The following TTC27 variants were observed in gnomAD, a reference collection of about 807,000 sequenced individuals.
TTC27 encodes the protein tetratricopeptide repeat protein 27.
Under a neutral mutation model 115.9 loss-of-function variants are expected in TTC27, and 79 were observed. The observed-to-expected ratio is 0.68, with a 90% CI of 0.57 to 0.82. The LOEUF is 0.82. TTC27 is among the 40% of genes least tolerant of loss of function. TTC27 has a pLI of 0.00. For synonymous variants in TTC27, 401 were observed against 356.0 expected (o/e 1.13, Z -1.42); for missense variants, 1,054 against 993.1 (o/e 1.06, Z -0.82).
At chr2:32,661,394 T>C (rs1665542386) in intron 5 of TTC27, among the ~76,000 whole-genome samples, 2 of 152,198 alleles carry the variant, frequency 1.3e-5, no homozygotes, top group African/African-American at 2.4e-5. Context: ...ATTCTTCCTA[T>C]CCATGAGCAT....
At chr2:32,721,608 TTC>T (rs1164934164) in intron 10 of TTC27, among the ~76,000 whole-genome samples, 1 of 151,330 alleles carries the variant, frequency 6.6e-6, no homozygotes. Flanking sequence ...TCACTTTTCT[TTC>T]TCTCTCTCTC....
intron 3 of TTC27, among the ~76,000 whole-genome samples, chr2:32,635,642 C>A (rs1056233299): frequency 2.6e-5 from 4 of 152,006 alleles, no homozygotes; most frequent in African/African-American, 9.7e-5. Context: ...CAAGATCACG[C>A]CACTGCACTC....
At chr2:32,729,387 G>A (rs1402189324) in intron 10 of TTC27, among the ~76,000 whole-genome samples, 1 of 152,172 alleles carries the variant, frequency 6.6e-6, no homozygotes, top group Non-Finnish European at 1.5e-5. Context: ...AGCATTGAAA[G>A]GAGAGGGGAC....
chr2:32,781,526 G>T (rs925875471), intron 14 of TTC27, among the ~76,000 whole-genome samples: 1 of 151,960 alleles, frequency 6.6e-6, no homozygotes, highest in Admixed American at 6.6e-5. Flanking sequence ...TTTTATTCTG[G>T]CATTCAGTTA....
intron 7 of TTC27, among the ~76,000 whole-genome samples, chr2:32,670,828 A>G (rs903422477): frequency 1.3e-5 from 2 of 151,798 alleles, no homozygotes; most frequent in Non-Finnish European, 2.9e-5. Flanking sequence ...CATGTTTGCC[A>G]GGCTGGTCTC....
intron 9 of TTC27, among the ~76,000 whole-genome samples, chr2:32,682,847 G>GTTTTTTTTTTTTTTTTT (rs70938360): frequency 4.0e-5 from 2 of 49,782 alleles, no homozygotes; most frequent in African/African-American, 1.0e-4. Context: ...TTTTATTGTT[G>GTTTTTTTTTTTTTTTTT]TTTTTTTTTT....
intron 5 of TTC27, among the ~76,000 whole-genome samples, chr2:32,653,236 G>C (rs1665195156): frequency 6.6e-6 from 1 of 152,154 alleles, no homozygotes; most frequent in African/African-American, 2.4e-5. Context: ...TTGTCATCAA[G>C]TCCTGCTGTG....
chr2:32,820,594 C>A (rs1033973764), intron 19 of TTC27, among the ~76,000 whole-genome samples: 5 of 152,158 alleles, frequency 3.3e-5, no homozygotes, highest in African/African-American at 9.7e-5. Context: ...AAGAGCAGAG[C>A]TCATTTGAAT....
chr2:32,719,357 G>T (rs1207837020), intron 10 of TTC27, among the ~76,000 whole-genome samples: 3 of 152,210 alleles, frequency 2.0e-5, no homozygotes, highest in African/African-American at 7.2e-5. Flanking sequence ...TGGAATAGCA[G>T]GGTCAGAAAG....
intron 10 of TTC27, among the ~76,000 whole-genome samples, chr2:32,712,667 C>A (rs1240311948): frequency 6.6e-6 from 1 of 151,942 alleles, no homozygotes; most frequent in Non-Finnish European, 1.5e-5. Flanking sequence ...ACCTGTTTCT[C>A]CTGCCTTAGC....
At chr2:32,628,452 C>T (rs1160637610) in intron 1 of TTC27, 72 bp downstream of exon 1, 1 of 1,355,212 alleles carries the variant, frequency 7.4e-7, no homozygotes, top group Non-Finnish European at 9.9e-7. Context: ...GCGACTGATT[C>T]TCATCCCTCC....
intron 8 of TTC27, among the ~76,000 whole-genome samples, chr2:32,675,955 C>G (rs950414508): frequency 6.6e-6 from 1 of 151,970 alleles, no homozygotes; most frequent in African/African-American, 2.4e-5. Flanking sequence ...CCATGCTCAT[C>G]TAATTTTTGT....
chr2:32,707,611 A>T (rs564500411), intron 10 of TTC27, among the ~76,000 whole-genome samples: 2 of 151,794 alleles, frequency 1.3e-5, no homozygotes, highest in South Asian at 2.1e-4. Context: ...TCCAAAGTTT[A>T]AAAAAAAACT....
At chr2:32,639,660 T>C (rs1403893388) in intron 3 of TTC27, among the ~76,000 whole-genome samples, 2 of 152,250 alleles carry the variant, frequency 1.3e-5, no homozygotes, top group East Asian at 3.8e-4. Context: ...ATTTATGAAG[T>C]GATGATATCT....
intron 16 of TTC27, among the ~76,000 whole-genome samples, chr2:32,788,696 G>A (rs531033099): frequency 6.6e-6 from 1 of 152,280 alleles, no homozygotes; most frequent in South Asian, 2.1e-4. Context: ...TGGCTCACCA[G>A]GTTGGCTTTT....
chr2:32,736,953 T>C, intron 12 of TTC27, 137 bp downstream of exon 12: 1 of 1,257,318 alleles, frequency 8.0e-7, no homozygotes, highest in Non-Finnish European at 1.1e-6. Flanking sequence ...AGAAAACTTT[T>C]AAATGTTTTC....
chr2:32,799,196 CA>C (rs1214233091), intron 16 of TTC27, among the ~76,000 whole-genome samples: 2 of 151,652 alleles, frequency 1.3e-5, no homozygotes, highest in Non-Finnish European at 2.9e-5. Context: ...AAATCATAGA[CA>C]CAGAAAGTAG....
intron 3 of TTC27, among the ~76,000 whole-genome samples, chr2:32,638,866 T>G (rs1236485811): frequency 6.6e-6 from 1 of 152,072 alleles, no homozygotes; most frequent in Non-Finnish European, 1.5e-5. Context: ...GGAGTCTTGC[T>G]CTGTCACCCA....
At chr2:32,772,648 C>A (rs1055031599) in intron 13 of TTC27, among the ~76,000 whole-genome samples, 1 of 152,136 alleles carries the variant, frequency 6.6e-6, no homozygotes, top group African/African-American at 2.4e-5. Context: ...TTAAGGTATG[C>A]TAGGTGAAGC....
Sources: gnomAD v4.1 joint callset for allele counts (sites outside exome capture counted in the v4.1 genomes callset) on GRCh38, gnomAD v4.1.1 for gene constraint, MANE v1.5 for transcripts, NCBI Gene and HGNC (gene_info 2026-07-23, HGNC 2026-07-21) for gene names.